Variants in CFDP1 observed in about 807,000 individuals in gnomAD.
CFDP1 encodes chromatin remodeling protein CFDP1, also known as heterochromatin-stabilizing protein CFDP1.
A neutral mutation model predicts 40.1 loss-of-function variants in CFDP1; 31 were observed. The ratio of observed to expected loss-of-function variants is 0.77; its 90% CI spans 0.58 to 1.04. CFDP1 has a LOEUF of 1.04. Ranked by LOEUF, CFDP1 falls within the 50% of genes least tolerant of loss-of-function variation. The probability of loss-of-function intolerance (pLI) is 0.00; values close to 1 mark genes in which losing one functional copy is unlikely to be tolerated. For synonymous variants in CFDP1, 167 were observed against 120.0 expected, an observed-to-expected ratio of 1.39 and a Z score of -2.56; for missense variants, 423 against 343.4, an observed-to-expected ratio of 1.23 and a Z score of -1.83.
At chr16:75,425,111 CTAAAA>C (rs1424412494) in intron 1 of CFDP1, among the ~76,000 whole-genome samples, 4 of 151,910 alleles carry the variant, frequency 2.6e-5, no homozygotes, top group African/African-American at 9.7e-5. Flanking sequence ...TATTCATAGA[CTAAAA>C]TATAAGATCG....
chr16:75,303,825 G>C (rs1301225042), intron 6 of CFDP1, among the ~76,000 whole-genome samples: 1 of 152,128 alleles, frequency 6.6e-6, no homozygotes, highest in Non-Finnish European at 1.5e-5. Flanking sequence ...CAGTTTTATT[G>C]GTAAAGGAGC....
intron 5 of CFDP1, among the ~76,000 whole-genome samples, chr16:75,319,762 C>A (rs2078349220): frequency 1.3e-5 from 2 of 152,150 alleles, no homozygotes; most frequent in South Asian, 4.1e-4. Flanking sequence ...TGGTGCCACC[C>A]CTCACAACCC....
At chr16:75,420,362 G>A (rs746611807) in intron 1 of CFDP1, among the ~76,000 whole-genome samples, 1 of 152,034 alleles carries the variant, frequency 6.6e-6, no homozygotes, top group Admixed American at 6.6e-5. Flanking sequence ...GTATTTCATT[G>A]GAACCCATCA....
chr16:75,309,091 A>G (rs1209189807), intron 5 of CFDP1, among the ~76,000 whole-genome samples: 1 of 152,200 alleles, frequency 6.6e-6, no homozygotes, highest in East Asian at 1.9e-4. Context: ...AGCAGCAGCC[A>G]GAACACACAG....
chr16:75,322,691 A>G (rs2078373266), intron 5 of CFDP1, among the ~76,000 whole-genome samples: 1 of 152,066 alleles, frequency 6.6e-6, no homozygotes, highest in Non-Finnish European at 1.5e-5. Flanking sequence ...CTGACATGAC[A>G]CTCAAAGGAG....
intron 5 of CFDP1, among the ~76,000 whole-genome samples, chr16:75,377,202 C>T (rs1416066217): frequency 6.6e-6 from 1 of 152,094 alleles, no homozygotes; most frequent in Non-Finnish European, 1.5e-5. Context: ...CACTTAAGGC[C>T]CCTGTGATAA....
intron 1 of CFDP1, among the ~76,000 whole-genome samples, chr16:75,416,729 C>T (rs11149830): frequency 0.52 from 78,499 of 151,652 alleles, 21,320 homozygotes; most frequent in Admixed American, 0.64. Context: ...GCCTGGGTAA[C>T]AGAGCAAGAC....
chr16:75,367,686 A>G (rs978210073), intron 5 of CFDP1, among the ~76,000 whole-genome samples: 28 of 150,518 alleles, frequency 1.9e-4, no homozygotes, highest in African/African-American at 6.3e-4. Flanking sequence ...CCAGCTACTC[A>G]GGAGGCTGAG....
At chr16:75,301,272 G>C (rs774014316) in intron 6 of CFDP1, among the ~76,000 whole-genome samples, 1 of 152,150 alleles carries the variant, frequency 6.6e-6, no homozygotes, top group African/African-American at 2.4e-5. Context: ...GAAGAGCCAA[G>C]ATTTGAATTG....
intron 1 of CFDP1, among the ~76,000 whole-genome samples, chr16:75,430,701 T>A (rs955419146): frequency 1.3e-5 from 2 of 152,174 alleles, no homozygotes; most frequent in African/African-American, 4.8e-5. Flanking sequence ...TGACCTCAAA[T>A]GATCCACCAG....
intron 5 of CFDP1, among the ~76,000 whole-genome samples, chr16:75,345,472 CAA>C (rs138612229): frequency 6.7e-6 from 1 of 149,846 alleles, no homozygotes; most frequent in Admixed American, 6.7e-5. Flanking sequence ...CAAAACAAAA[CAA>C]AAAAAAACAA....
chr16:75,336,393 G>C (rs1467783748), intron 5 of CFDP1, among the ~76,000 whole-genome samples: 1 of 152,190 alleles, frequency 6.6e-6, no homozygotes, highest in Non-Finnish European at 1.5e-5. Context: ...GCTCAGTGAT[G>C]AGAGGTAGGG....
chr16:75,351,177 A>G (rs1807563956), intron 5 of CFDP1, among the ~76,000 whole-genome samples: 1 of 152,156 alleles, frequency 6.6e-6, no homozygotes, highest in Non-Finnish European at 1.5e-5. Context: ...AGATAACCTG[A>G]GAGTTCTAAA....
At chr16:75,346,424 A>C (rs2078564662) in intron 5 of CFDP1, among the ~76,000 whole-genome samples, 1 of 151,844 alleles carries the variant, frequency 6.6e-6, no homozygotes, top group Non-Finnish European at 1.5e-5. Flanking sequence ...TCTACTAAAA[A>C]TACAAAAAAT....
In CFDP1 at chr16:75,393,737, CAAAAAAAAAAAAAAAAAA is replaced by C. The variant is rs61344775; in HGVS notation, c.650+1335_650+1352del. Among the ~76,000 whole-genome samples, 43 of 80,614 alleles carry C rather than the reference CAAAAAAAAAAAAAAAAAA, an allele frequency of 5.3e-4. 1 individual carries two copies. Among genetic ancestry groups the C allele is most frequent in the Middle Eastern group, 0.011 (1 of 90 alleles). The allele number at this position is 80,614 out of a possible 152,430, so 52.9% of individuals were successfully genotyped here. On this transcript the variant is annotated intron_variant, in intron 5 of 6. Transcript: ENST00000283882. Reference sequence around the variant, plus strand: ...TGGGCGACAGAGCGAGACTCCGTCGCAAAAAAAAAAAAAAAAAAAAAAAAAAAAAAAAAAAAGTGGGGC... The same window carrying C: ...TGGGCGACAGAGCGAGACTCCGTCGCAAAAAAAAAAAAAAAAAAGTGGGGC...
intron 5 of CFDP1, among the ~76,000 whole-genome samples, chr16:75,328,578 G>A (rs1440307246): frequency 3.6e-5 from 4 of 111,312 alleles, no homozygotes; most frequent in Admixed American, 1.0e-4. Context: ...CAGCCTGGGC[G>A]ACAAGAATGA....
intron 1 of CFDP1, among the ~76,000 whole-genome samples, chr16:75,432,085 T>C (rs1289045968): frequency 6.6e-6 from 1 of 151,356 alleles, no homozygotes; most frequent in Non-Finnish European, 1.5e-5. Context: ...CTAATTTTTG[T>C]GTTTTTAGTA....
At chr16:75,324,636 G>C (rs1189544047) in intron 5 of CFDP1, 2 of 151,888 alleles carry the variant, frequency 1.3e-5, no homozygotes, top group African/African-American at 4.8e-5. Context: ...TCAGCTACTC[G>C]GGAGTCTGAG....
intron 5 of CFDP1, among the ~76,000 whole-genome samples, chr16:75,352,572 A>T (rs190801012): frequency 3.5e-4 from 53 of 152,144 alleles, no homozygotes; most frequent in East Asian, 7.7e-4. Flanking sequence ...CTATCTTTTT[A>T]AAAAAATAAT....
Sources: gnomAD v4.1 joint callset for allele counts (sites outside exome capture counted in the v4.1 genomes callset) on GRCh38, gnomAD v4.1.1 for gene constraint, MANE v1.5 for transcripts, NCBI Gene and HGNC (gene_info 2026-07-23, HGNC 2026-07-21) for gene names.